GNAQ: variants seen among roughly 807,000 people sequenced by gnomAD.
GNAQ encodes the protein G protein subunit alpha q.
GNAQ carries 8 observed loss-of-function variants against 43.9 expected under a neutral mutation model. The observed-to-expected ratio is 0.18, with a 90% CI of 0.11 to 0.33. The LOEUF is 0.33. Ranked by LOEUF, GNAQ falls within the 10% of genes least tolerant of loss-of-function variation. The pLI is 1.00. For missense variants in GNAQ, 158 were observed against 450.8 expected, an observed-to-expected ratio of 0.35 and a Z score of 5.88; for synonymous variants, 155 against 170.7, an observed-to-expected ratio of 0.91 and a Z score of 0.71.
At chr9:77,985,568 G>T (rs559552113) in intron 1 of GNAQ, among the ~76,000 whole-genome samples, 1 of 152,068 alleles carries the variant, frequency 6.6e-6, no homozygotes, top group Non-Finnish European at 1.5e-5. Flanking sequence ...TTTTAGATTA[G>T]TATAATTTTT....
intron 2 of GNAQ, among the ~76,000 whole-genome samples, chr9:77,884,508 C>T (rs1828269987): frequency 6.6e-6 from 1 of 152,162 alleles, no homozygotes; most frequent in African/African-American, 2.4e-5. Context: ...GTGCGACTTC[C>T]CATAATGGTG....
chr9:77,906,864 G>T (rs1000720488), intron 2 of GNAQ, among the ~76,000 whole-genome samples: 1 of 152,070 alleles, frequency 6.6e-6, no homozygotes, highest in African/African-American at 2.4e-5. Flanking sequence ...TTTAGATGTG[G>T]GACAGTGAAC....
chr9:77,721,534 G>A, intron 6 of GNAQ, 21 bp from the exon 7 acceptor site: 1 of 1,484,212 alleles, frequency 6.7e-7, no homozygotes, highest in Non-Finnish European at 9.3e-7. Flanking sequence ...AGAGACAAGA[G>A]GGACACTTTG....
At chr9:77,792,883 TC>T (rs1156601546) in intron 5 of GNAQ, among the ~76,000 whole-genome samples, 3 of 152,204 alleles carry the variant, frequency 2.0e-5, no homozygotes, top group African/African-American at 7.2e-5. Flanking sequence ...GGCTTACCTT[TC>T]CCCCTATGGC....
At chr9:77,828,825 CT>C (rs1376685906) in intron 2 of GNAQ, among the ~76,000 whole-genome samples, 1 of 152,168 alleles carries the variant, frequency 6.6e-6, no homozygotes, top group East Asian at 1.9e-4. Context: ...GTCTCTTAAC[CT>C]TTATATGTTA....
chr9:78,021,907 G>A (rs143209188), intron 1 of GNAQ, among the ~76,000 whole-genome samples: 1 of 152,304 alleles, frequency 6.6e-6, no homozygotes, highest in East Asian at 1.9e-4. Flanking sequence ...TGCGTCTCTC[G>A]GGCTCCACCT....
At chr9:77,940,142 G>T (rs564333871) in intron 1 of GNAQ, among the ~76,000 whole-genome samples, 5 of 152,152 alleles carry the variant, frequency 3.3e-5, no homozygotes, top group Non-Finnish European at 7.4e-5. Context: ...CATCTAAAAA[G>T]CTGAAGAGAA....
chr9:77,717,569 C>A lies in GNAQ; in HGVS notation c.*3754G>T, dbSNP rs970197652. ...AAATCCAGCATAAATAGCTTTTCAC[C>A]AATTCCTAACTTAAGACAACTAAAA... is the stretch of plus-strand genomic sequence containing the variant. On this transcript the variant is annotated 3_prime_UTR_variant, in exon 7 of 7. Transcript: ENST00000286548. 4 of 232,114 alleles carry A rather than the reference C, an allele frequency of 1.7e-5. No individual in the cohort carries two copies. The highest frequency in any genetic ancestry group is 8.8e-5 in the African/African-American group (4 of 45,214). The allele number at this position is 232,114 out of a possible 1,614,324, so 14.4% of individuals were successfully genotyped here.
chr9:77,905,490 C>G (rs1035624275), intron 2 of GNAQ, among the ~76,000 whole-genome samples: 1 of 152,060 alleles, frequency 6.6e-6, no homozygotes, highest in African/African-American at 2.4e-5. Flanking sequence ...TCAGACTCTA[C>G]AAAATGAAAG....
At chr9:77,851,528 A>G (rs1827675999) in intron 2 of GNAQ, among the ~76,000 whole-genome samples, 1 of 152,198 alleles carries the variant, frequency 6.6e-6, no homozygotes, top group African/African-American at 2.4e-5. Context: ...AATCACTGGG[A>G]CAGGTAAGTG....
At chr9:77,780,442 A>ATT (rs34967331) in intron 5 of GNAQ, among the ~76,000 whole-genome samples, 3 of 146,000 alleles carry the variant, frequency 2.1e-5, no homozygotes, top group East Asian at 2.0e-4. Context: ...ATAGGATTTC[A>ATT]TTTTTTTTTT....
rs552130670 is a variant in GNAQ at position 77,782,195 on chromosome 9, TA to T, written c.735+12267del. Reference sequence around the variant, plus strand: ...AAAGTATAATAATAAAAGAAAAGCTTAAAAAAAAAATCTCCTGGAAATATTA... The same window carrying T: ...AAAGTATAATAATAAAAGAAAAGCTTAAAAAAAAATCTCCTGGAAATATTA... On this transcript the variant is annotated intron_variant, in intron 5 of 6. Transcript: ENST00000286548. Among the ~76,000 whole-genome samples, 1,014 of 149,044 alleles carry T rather than the reference TA, an allele frequency of 6.8e-3. 5 individuals carry two copies. The highest frequency in any genetic ancestry group is 0.018 in the African/African-American group (733 of 40,742).
intron 2 of GNAQ, among the ~76,000 whole-genome samples, chr9:77,840,644 A>G (rs149671158): frequency 1.3e-5 from 2 of 152,246 alleles, no homozygotes; most frequent in East Asian, 3.9e-4. Context: ...GCTGCATTTG[A>G]TTGTTTTATA....
At chr9:77,978,322 T>C (rs1382009653) in intron 1 of GNAQ, among the ~76,000 whole-genome samples, 1 of 152,188 alleles carries the variant, frequency 6.6e-6, no homozygotes, top group Admixed American at 6.5e-5. Flanking sequence ...TATACTATTT[T>C]TAGTCCTTCA....
chr9:78,025,815 T>C (rs1258915520), intron 1 of GNAQ, among the ~76,000 whole-genome samples: 1 of 152,196 alleles, frequency 6.6e-6, no homozygotes, highest in Non-Finnish European at 1.5e-5. Flanking sequence ...GAAAAATTAA[T>C]ATGAATGCTG....
intron 5 of GNAQ, among the ~76,000 whole-genome samples, chr9:77,755,797 G>T (rs1340232281): frequency 6.6e-6 from 1 of 152,144 alleles, no homozygotes; most frequent in Non-Finnish European, 1.5e-5. Context: ...GATTATGTAT[G>T]ATTTCAGGAG....
chr9:77,893,377 C>T (rs1378677940), intron 2 of GNAQ, among the ~76,000 whole-genome samples: 1 of 152,186 alleles, frequency 6.6e-6, no homozygotes, highest in Non-Finnish European at 1.5e-5. Flanking sequence ...TTACAGATGC[C>T]ATGGCAATGT....
intron 1 of GNAQ, among the ~76,000 whole-genome samples, chr9:77,985,939 C>A (rs1457039325): frequency 6.6e-6 from 1 of 152,142 alleles, no homozygotes; most frequent in African/African-American, 2.4e-5. Flanking sequence ...GAACTTTGAT[C>A]TTCTTGACAC....
chr9:77,779,942 A>G (rs188449047), intron 5 of GNAQ, among the ~76,000 whole-genome samples: 2 of 151,980 alleles, frequency 1.3e-5, no homozygotes, highest in East Asian at 3.9e-4. Flanking sequence ...CCCGAACAGT[A>G]AACAGGCCCA....
Sources: allele counts gnomAD v4.1 joint callset (sites outside exome capture counted in the v4.1 genomes callset), GRCh38; gene constraint gnomAD v4.1.1; transcripts MANE v1.5; gene names NCBI Gene and HGNC (gene_info 2026-07-23, HGNC 2026-07-21).